Variants in SLC24A3 observed in about 807,000 individuals in gnomAD.
SLC24A3 encodes solute carrier family 24 member 3.
In SLC24A3, 28 loss-of-function variants were observed where a neutral mutation model predicts 75.8. That is an observed-to-expected ratio of 0.37 (90% CI 0.27 to 0.51). SLC24A3 has a LOEUF of 0.51. Ranked by LOEUF, SLC24A3 falls within the 20% of genes least tolerant of loss-of-function variation. SLC24A3 has a pLI of 0.94. For synonymous variants in SLC24A3, 372 were observed against 334.1 expected (o/e 1.11, Z -1.24); for missense variants, 663 against 847.8 (o/e 0.78, Z 2.71).
At chr20:19,708,627 T>G (rs1184403458) in intron 15 of SLC24A3, among the ~76,000 whole-genome samples, 1 of 152,242 alleles carries the variant, frequency 6.6e-6, no homozygotes, top group East Asian at 1.9e-4. Context: ...TCAGCCATGA[T>G]GGCAGTATTT....
rs113441438 is a variant in SLC24A3, at chr20:19,343,129, G to A, written c.271+62042G>A. Among the ~76,000 whole-genome samples, 732 of 151,568 alleles carry A rather than the reference G, an allele frequency of 4.8e-3. 4 individuals carry two copies. Among genetic ancestry groups the A allele is most frequent in the Middle Eastern group, 0.01 (3 of 288 alleles). Reference sequence around the variant, plus strand: ...GAAAAGGCAGAAAAATCATCCAGAGGAATGAGAGTAGCATTTGTGGAGGCA... The same window carrying A: ...GAAAAGGCAGAAAAATCATCCAGAGAAATGAGAGTAGCATTTGTGGAGGCA... On this transcript the variant is annotated intron_variant, in intron 2 of 16. Transcript: ENST00000328041.
intron 2 of SLC24A3, among the ~76,000 whole-genome samples, chr20:19,341,521 C>A (rs1158021876): frequency 6.6e-6 from 1 of 152,140 alleles, no homozygotes; most frequent in Non-Finnish European, 1.5e-5. Flanking sequence ...TAACACCTTA[C>A]CAGAAACAAG....
intron 2 of SLC24A3, among the ~76,000 whole-genome samples, chr20:19,512,768 C>T (rs563695533): frequency 2.0e-5 from 3 of 152,332 alleles, no homozygotes; most frequent in African/African-American, 7.2e-5. Flanking sequence ...CACTCCTTTC[C>T]TGTGCTCCCT....
chr20:19,499,412 C>T (rs1988351405), intron 2 of SLC24A3, among the ~76,000 whole-genome samples: 1 of 152,116 alleles, frequency 6.6e-6, no homozygotes, highest in Non-Finnish European at 1.5e-5. Context: ...TCTGACTTCT[C>T]CTTGTATTCT....
intron 2 of SLC24A3, among the ~76,000 whole-genome samples, chr20:19,332,034 C>T (rs1023149116): frequency 6.6e-6 from 1 of 152,148 alleles, no homozygotes; most frequent in African/African-American, 2.4e-5. Flanking sequence ...TTGAGGAACA[C>T]AGAAGGACAT....
chr20:19,346,262 TATATATATG>T lies in SLC24A3; in HGVS notation c.271+65176_271+65184del. Among the ~76,000 whole-genome samples the T allele has an allele frequency of 8.7e-5, 9 of 103,066 alleles. 2 individuals are homozygous for T. The highest frequency in any genetic ancestry group is 5.7e-4 in the African/African-American group (9 of 15,838). The allele number at this position is 103,066 out of a possible 152,430, so 67.6% of individuals were successfully genotyped here. On this transcript the variant is annotated intron_variant, in intron 2 of 16. Coordinates refer to ENST00000328041, the MANE Select transcript of SLC24A3 (RefSeq NM_020689.4). ...ATATATGGTGTATATATATATGGTATATATATATGGTGTATATATATATGGTATATATAT... is the reference window on the plus strand; with the variant it reads ...ATATATGGTGTATATATATATGGTATGTGTATATATATATGGTATATATAT...
chr20:19,639,678 G>A (rs1366260521), intron 6 of SLC24A3, among the ~76,000 whole-genome samples: 1 of 152,236 alleles, frequency 6.6e-6, no homozygotes, highest in Non-Finnish European at 1.5e-5. Context: ...CCGAGGAGCA[G>A]GGGGCGGCGC....
At chr20:19,718,224 T>C (rs2033063297) in intron 16 of SLC24A3, among the ~76,000 whole-genome samples, 1 of 152,222 alleles carries the variant, frequency 6.6e-6, no homozygotes, top group South Asian at 2.1e-4. Flanking sequence ...AGCATAAATA[T>C]GCCAGAGAAT....
chr20:19,536,495 T>C (rs775705804), intron 3 of SLC24A3, among the ~76,000 whole-genome samples: 2 of 152,108 alleles, frequency 1.3e-5, no homozygotes, highest in African/African-American at 2.4e-5. Flanking sequence ...AAGCTACCAA[T>C]GACTTTCTTC....
At chr20:19,302,953 G>T (rs1984229153) in intron 2 of SLC24A3, among the ~76,000 whole-genome samples, 1 of 151,184 alleles carries the variant, frequency 6.6e-6, no homozygotes, top group African/African-American at 2.4e-5. Context: ...CCCATTTAAG[G>T]TGTCAGTTTT....
At chr20:19,608,430 T>A (rs2031626795) in intron 6 of SLC24A3, among the ~76,000 whole-genome samples, 1 of 152,238 alleles carries the variant, frequency 6.6e-6, no homozygotes, top group South Asian at 2.1e-4. Flanking sequence ...AAGATCCCAA[T>A]GCATCATTCT....
In SLC24A3 at chr20:19,279,173, A is replaced by G. The variant is rs1040264600; in HGVS notation, c.143-1786A>G. Among the ~76,000 whole-genome samples the G allele has an allele frequency of 2.6e-5, 4 of 152,206 alleles. No homozygotes were observed. The South Asian group carries it at 8.3e-4, about 32-fold the overall frequency. On this transcript the variant is annotated intron_variant, in intron 1 of 16. Transcript: ENST00000328041. ...CTGTGGAAGTAGAGGAGAGGGCAGA[A>G]TGCCCTCCAGCTCTTCAGTGACCAC...
At chr20:19,496,869 T>C (rs991737632) in intron 2 of SLC24A3, among the ~76,000 whole-genome samples, 11 of 152,204 alleles carry the variant, frequency 7.2e-5, no homozygotes, top group African/African-American at 2.7e-4. Flanking sequence ...AGTTCCATTA[T>C]AGCAACTTTC....
chr20:19,633,619 A>G (rs1268211233), intron 6 of SLC24A3, among the ~76,000 whole-genome samples: 1 of 137,986 alleles, frequency 7.2e-6, no homozygotes, highest in African/African-American at 2.7e-5. Flanking sequence ...ACTGCACTCC[A>G]GCCTGGGCGA....
In SLC24A3 at chr20:19,381,829, A is replaced by G. The variant is rs1046069798; in HGVS notation, c.271+100742A>G. Among the ~76,000 whole-genome samples, 30 of 152,136 alleles carry G rather than the reference A, an allele frequency of 2.0e-4. 1 individual carries two copies. Among genetic ancestry groups the G allele is most frequent in the Non-Finnish European group, 1.0e-4 (7 of 68,008 alleles). ...AGTATTATCGTATGTCTCTTCTGAC[A>G]ATTTTCCAGGTTGACAAAAATCTGC... On this transcript the variant is annotated intron_variant, in intron 2 of 16. Transcript: ENST00000328041.
At chr20:19,383,277 G>A (rs555940788) in intron 2 of SLC24A3, among the ~76,000 whole-genome samples, 7 of 152,196 alleles carry the variant, frequency 4.6e-5, no homozygotes, top group South Asian at 2.1e-4. Flanking sequence ...ATTTAATCCC[G>A]TACTTCAAAA....
At chr20:19,287,482 G>A (rs1443668299) in intron 2 of SLC24A3, among the ~76,000 whole-genome samples, 1 of 152,150 alleles carries the variant, frequency 6.6e-6, no homozygotes, top group East Asian at 1.9e-4. Flanking sequence ...CCCCAAACTT[G>A]TTTCTTCTGA....
chr20:19,719,086 G>A (rs1473192338), intron 16 of SLC24A3, among the ~76,000 whole-genome samples: 1 of 152,152 alleles, frequency 6.6e-6, no homozygotes, highest in African/African-American at 2.4e-5. Context: ...GGGTTTTCCA[G>A]GTGGAGGGAG....
chr20:19,260,836 C>G (rs1982962829), intron 1 of SLC24A3, among the ~76,000 whole-genome samples: 1 of 152,132 alleles, frequency 6.6e-6, no homozygotes, highest in African/African-American at 2.4e-5. Flanking sequence ...TTAGGTAACC[C>G]CCTCCGGCAT....
Sources: gnomAD v4.1 joint callset for allele counts (sites outside exome capture counted in the v4.1 genomes callset) on GRCh38, gnomAD v4.1.1 for gene constraint, MANE v1.5 for transcripts, NCBI Gene and HGNC (gene_info 2026-07-23, HGNC 2026-07-21) for gene names.